The following PLXDC2 variants were observed in gnomAD, a reference collection of about 807,000 sequenced individuals.
The protein encoded by PLXDC2 is plexin domain containing 2.
In PLXDC2, 40 loss-of-function variants were observed where a neutral mutation model predicts 68.9. The ratio of observed to expected loss-of-function variants is 0.58; its 90% confidence interval spans 0.45 to 0.76. The LOEUF (loss-of-function observed/expected upper bound fraction) is 0.76. Ranked by LOEUF, PLXDC2 falls within the 30% of genes least tolerant of loss-of-function variation. The pLI, the probability that PLXDC2 is intolerant of heterozygous loss-of-function variation, is 0.00. For missense variants in PLXDC2, 644 were observed against 661.9 expected (o/e 0.97, Z 0.30); for synonymous variants, 243 against 234.2 (o/e 1.04, Z -0.34).
chr10:20,208,385 A>G (rs1216813020), intron 9 of PLXDC2, among the ~76,000 whole-genome samples: 1 of 152,084 alleles, frequency 6.6e-6, no homozygotes, highest in East Asian at 1.9e-4. Flanking sequence ...ATCTTGTGAG[A>G]CTTATTTACT....
At chr10:19,859,047 A>AGAGCGAGG (rs1837270328) in intron 1 of PLXDC2, among the ~76,000 whole-genome samples, 1 of 150,628 alleles carries the variant, frequency 6.6e-6, no homozygotes, top group South Asian at 2.1e-4. Context: ...AGAGAGAGAG[A>AGAGCGAGG]GCGAGGGAGA....
At chr10:19,948,390 CT>C (rs59867874) in intron 1 of PLXDC2, among the ~76,000 whole-genome samples, 8,483 of 144,848 alleles carry the variant, frequency 0.059, 465 homozygotes, top group Admixed American at 0.14. Context: ...TTCTTTCTTT[CT>C]TTTTTTTTTT....
intron 1 of PLXDC2, among the ~76,000 whole-genome samples, chr10:19,982,254 C>T (rs976045463): frequency 3.9e-5 from 6 of 152,214 alleles, no homozygotes; most frequent in Non-Finnish European, 7.3e-5. Flanking sequence ...CAACATGTCA[C>T]ATGACTAATT....
At chr10:19,927,906 T>A (rs528181981) in intron 1 of PLXDC2, among the ~76,000 whole-genome samples, 21 of 152,060 alleles carry the variant, frequency 1.4e-4, no homozygotes, top group Non-Finnish European at 2.2e-4. Flanking sequence ...AGTGGAGTAG[T>A]GTAAATTGTA....
At chr10:20,028,718 C>G (rs1346620482) in intron 2 of PLXDC2, among the ~76,000 whole-genome samples, 2 of 152,128 alleles carry the variant, frequency 1.3e-5, no homozygotes, top group African/African-American at 2.4e-5. Context: ...GCCTCTTTCT[C>G]TTTTGCTCTT....
At chr10:19,951,677 T>G (rs971358450) in intron 1 of PLXDC2, among the ~76,000 whole-genome samples, 3 of 152,182 alleles carry the variant, frequency 2.0e-5, no homozygotes, top group African/African-American at 7.2e-5. Context: ...CAAATTGTTC[T>G]ACCAAAGAGA....
chr10:19,904,657 C>T (rs1838211303), intron 1 of PLXDC2, among the ~76,000 whole-genome samples: 1 of 152,116 alleles, frequency 6.6e-6, no homozygotes, highest in Admixed American at 6.5e-5. Context: ...TGAGGATTCT[C>T]TTGGATTTCT....
chr10:19,905,936 G>A (rs1266960786), intron 1 of PLXDC2, among the ~76,000 whole-genome samples: 1 of 151,546 alleles, frequency 6.6e-6, no homozygotes, highest in East Asian at 2.0e-4. Flanking sequence ...TTACAACAAA[G>A]ATTTACTGTG....
At chr10:20,109,941 C>G (rs1564318452) in intron 4 of PLXDC2, among the ~76,000 whole-genome samples, 1 of 152,110 alleles carries the variant, frequency 6.6e-6, no homozygotes, top group East Asian at 1.9e-4. Flanking sequence ...CAAGCATTCA[C>G]GGAGAGGTAA....
chr10:20,155,178 T>A (rs570139614), intron 6 of PLXDC2, among the ~76,000 whole-genome samples: 46 of 152,336 alleles, frequency 3.0e-4, no homozygotes, highest in African/African-American at 1.0e-3. Context: ...ATGCATTTTT[T>A]AAAATTTCTT....
chr10:20,237,965 AT>A (rs1358136507), intron 12 of PLXDC2, among the ~76,000 whole-genome samples: 2 of 152,088 alleles, frequency 1.3e-5, no homozygotes, highest in Non-Finnish European at 2.9e-5. Flanking sequence ...TGTTGGCAAG[AT>A]TTAATAGTAG....
intron 1 of PLXDC2, among the ~76,000 whole-genome samples, chr10:19,929,068 A>G (rs1223586979): frequency 6.6e-6 from 1 of 150,864 alleles, no homozygotes; most frequent in African/African-American, 2.4e-5. Context: ...AGGGCTTTTT[A>G]TCATTCTAAA....
chr10:20,249,327 A>G (rs990346967), intron 13 of PLXDC2, among the ~76,000 whole-genome samples: 4 of 152,188 alleles, frequency 2.6e-5, no homozygotes, highest in Non-Finnish European at 5.9e-5. Context: ...TTAGTTTTCT[A>G]CTGCTGTTGT....
At position 19,920,913 on chromosome 10, in the gene PLXDC2, T is replaced by C. The variant is rs143674230; in HGVS notation, c.113-80862T>C. Among the ~76,000 whole-genome samples, 14 of 151,982 alleles carry C rather than the reference T, an allele frequency of 9.2e-5. No individual in the cohort carries two copies. The East Asian group carries it at 2.7e-3, about 29-fold the overall frequency. ...ACTTCAGTTTGTATGATTTTTATTA[T>C]TTTTATTACTTTATTTTATTTTATT... On this transcript the variant is annotated intron_variant, in intron 1 of 13. Coordinates refer to ENST00000377252, the MANE Select transcript of PLXDC2 (RefSeq NM_032812.9).
In PLXDC2 at chr10:20,001,969, A is replaced by C; in HGVS notation, c.307A>C (p.Asn103His). Reference sequence around the variant, plus strand: ...CCTGCTGCTGGATGATGGGCAGGACAATAACACTCAGATCGAGGTAGATAA... The same window carrying C: ...CCTGCTGCTGGATGATGGGCAGGACCATAACACTCAGATCGAGGTAGATAA... ...TDLLLDDGQD[N>H]NTQIEEDTDH... Residue 103 changes from asparagine (N) to histidine (H), a missense_variant, in exon 2 of 14, where the codon AAT (asparagine) becomes CAT (histidine). Asn to His is a moderately conservative substitution (Grantham distance 68). Transcript: ENST00000377252. 6.2e-7 allele frequency: 1 copy of C among 1,612,340 alleles called. No individual in the cohort carries two copies. The highest frequency in any genetic ancestry group is 8.5e-7 in the Non-Finnish European group (1 of 1,179,868).
At chr10:19,963,547 T>C (rs1451690761) in intron 1 of PLXDC2, among the ~76,000 whole-genome samples, 1 of 152,102 alleles carries the variant, frequency 6.6e-6, no homozygotes, top group Admixed American at 6.5e-5. Flanking sequence ...GGGGCATGGA[T>C]GAAACTGGAA....
chr10:20,211,515 G>C (rs1361048708), intron 9 of PLXDC2, among the ~76,000 whole-genome samples, 154 bp from the exon 10 acceptor site: 2 of 152,140 alleles, frequency 1.3e-5, no homozygotes. Flanking sequence ...ATATTTCCCT[G>C]CTTCTCCAGT....
intron 9 of PLXDC2, among the ~76,000 whole-genome samples, chr10:20,190,152 T>C (rs1250967574): frequency 6.6e-6 from 1 of 151,948 alleles, no homozygotes; most frequent in African/African-American, 2.4e-5. Flanking sequence ...TTTGTTTATA[T>C]GTTAACCAAC....
Position 20,289,225 on chromosome 10 carries a change from G to A in PLXDC2, c.*9406G>A, listed in dbSNP as rs1268159886. The A allele has an allele frequency of 6.6e-6, 1 of 152,258 alleles. No individual in the cohort carries two copies. The highest frequency in any genetic ancestry group is 1.9e-4 in the East Asian group (1 of 5,172). The allele number at this position is 152,258 out of a possible 1,614,324, so 9.4% of individuals were successfully genotyped here. ...CACCCCGATGTGGAAACTGATACTA[G>A]CTAGAGGGAGCTGTAGAAAACAAAG... On this transcript the variant is annotated 3_prime_UTR_variant, in exon 14 of 14. Coordinates refer to ENST00000377252, the MANE Select transcript of PLXDC2 (RefSeq NM_032812.9).
Sources: allele counts gnomAD v4.1 joint callset (sites outside exome capture counted in the v4.1 genomes callset), GRCh38; gene constraint gnomAD v4.1.1; transcripts MANE v1.5; gene names NCBI Gene and HGNC (gene_info 2026-07-23, HGNC 2026-07-21).